The following PLCXD2 variants were observed in gnomAD, a reference collection of about 807,000 sequenced individuals.
PLCXD2 encodes PI-PLC X domain-containing protein 2.
In PLCXD2, 21 loss-of-function variants were observed where a neutral mutation model predicts 28.6. That is an observed-to-expected ratio of 0.73 (90% CI 0.52 to 1.06). The LOEUF is 1.06. Ranked by LOEUF, PLCXD2 falls within the 50% of genes least tolerant of loss-of-function variation. PLCXD2 has a pLI of 0.00. For missense variants in PLCXD2, 369 were observed against 376.7 expected (o/e 0.98, Z 0.17); for synonymous variants, 140 against 150.1 (o/e 0.93, Z 0.49).
intron 1 of PLCXD2, among the ~76,000 whole-genome samples, chr3:111,691,027 C>G (rs1376003327): frequency 1.3e-5 from 2 of 152,144 alleles, no homozygotes; most frequent in African/African-American, 4.8e-5. Flanking sequence ...TAGGACACAC[C>G]TAAGACCCAA....
intron 2 of PLCXD2, among the ~76,000 whole-genome samples, chr3:111,709,694 CA>C (rs1559796949): frequency 6.6e-6 from 1 of 152,094 alleles, no homozygotes; most frequent in Admixed American, 6.5e-5. Flanking sequence ...TGCAGAGACC[CA>C]AAAGCAGGAG....
intron 3 of PLCXD2, chr3:111,723,003 G>A (rs1273855026): frequency 6.6e-6 from 1 of 152,214 alleles, no homozygotes; most frequent in Non-Finnish European, 1.5e-5. Flanking sequence ...GAGTAAGTAA[G>A]TGTGTTCCCT....
At chr3:111,714,478 C>G (rs1018073909) in intron 3 of PLCXD2, among the ~76,000 whole-genome samples, 5 of 152,220 alleles carry the variant, frequency 3.3e-5, no homozygotes, top group Non-Finnish European at 7.3e-5. Flanking sequence ...ATTTAAGAAG[C>G]ATTCAATATA....
At chr3:111,719,030 C>T (rs1035395564) in intron 3 of PLCXD2, among the ~76,000 whole-genome samples, 4 of 152,210 alleles carry the variant, frequency 2.6e-5, no homozygotes, top group Admixed American at 2.0e-4. Flanking sequence ...ACTTAGTGAT[C>T]GAATAACTGT....
At chr3:111,713,394 C>T (rs931622301) in intron 2 of PLCXD2, among the ~76,000 whole-genome samples, 2 of 152,204 alleles carry the variant, frequency 1.3e-5, no homozygotes, top group Admixed American at 6.5e-5. Flanking sequence ...TAGATGCGTC[C>T]ATCTCACATT....
intron 1 of PLCXD2, among the ~76,000 whole-genome samples, chr3:111,698,820 A>G (rs1940998609): frequency 6.6e-6 from 1 of 151,772 alleles, no homozygotes; most frequent in Non-Finnish European, 1.5e-5. Flanking sequence ...GTTCATAATC[A>G]CTCCCTGAAG....
At chr3:111,706,711 C>T (rs1941123633) in intron 1 of PLCXD2, among the ~76,000 whole-genome samples, 1 of 149,010 alleles carries the variant, frequency 6.7e-6, no homozygotes, top group Non-Finnish European at 1.5e-5. Context: ...TAAAGGCACA[C>T]GTAGACTGAA....
At chr3:111,712,010 A>G (rs1182820004) in intron 2 of PLCXD2, among the ~76,000 whole-genome samples, 1 of 152,110 alleles carries the variant, frequency 6.6e-6, no homozygotes, top group African/African-American at 2.4e-5. Context: ...TAGAGAGGAG[A>G]GTATTTCAGA....
At chr3:111,684,526 C>T (rs1257677580) in intron 1 of PLCXD2, among the ~76,000 whole-genome samples, 29 of 151,662 alleles carry the variant, frequency 1.9e-4, no homozygotes, top group African/African-American at 4.8e-5. Context: ...TGATGGCGGG[C>T]GTCTGTAATT....
At chr3:111,682,547 G>A (rs1378015209) in intron 1 of PLCXD2, among the ~76,000 whole-genome samples, 11 of 152,190 alleles carry the variant, frequency 7.2e-5, no homozygotes, top group Admixed American at 6.5e-4. Flanking sequence ...GTACACATTT[G>A]TGCGCTATAA....
In PLCXD2 at chr3:111,675,210, A is replaced by G. The variant is rs200365575; in HGVS notation, c.-36A>G. The G allele has an allele frequency of 2.1e-3, 3,293 of 1,601,904 alleles. 7 individuals are homozygous for G. Among genetic ancestry groups the G allele is most frequent in the Non-Finnish European group, 2.4e-3 (2,823 of 1,171,378 alleles). ...AAGTGATGATCACTGAGTGAGTGGC[A>G]CTGGGCTGAGACTGGCCAGTTTGTT... On this transcript the variant is annotated 5_prime_UTR_variant, in exon 1 of 5. Coordinates refer to ENST00000477665, the MANE Select transcript of PLCXD2 (RefSeq NM_001185106.1).
intron 2 of PLCXD2, 23 bp from the exon 3 acceptor site, chr3:111,713,864 T>G: frequency 1.9e-6 from 3 of 1,602,808 alleles, no homozygotes; most frequent in Non-Finnish European, 2.6e-6. Flanking sequence ...ATTGCTCTCC[T>G]TTTTGTGTTT....
intron 1 of PLCXD2, among the ~76,000 whole-genome samples, chr3:111,675,696 CT>C (rs1940610847): frequency 6.6e-6 from 1 of 152,134 alleles, no homozygotes; most frequent in South Asian, 2.1e-4. Context: ...ATCCTTCTTA[CT>C]GTTGTTATGT....
chr3:111,710,097 C>T (rs967101917), intron 2 of PLCXD2, among the ~76,000 whole-genome samples: 3 of 152,124 alleles, frequency 2.0e-5, no homozygotes, highest in South Asian at 2.1e-4. Context: ...CAGGCTTGGC[C>T]GGAATAACTG....
chr3:111,696,032 C>G (rs1940956142), intron 1 of PLCXD2, among the ~76,000 whole-genome samples: 1 of 152,174 alleles, frequency 6.6e-6, no homozygotes, highest in Non-Finnish European at 1.5e-5. Flanking sequence ...CTCTGAAACC[C>G]TCAAAGATGG....
chr3:111,682,404 G>T (rs183498716), intron 1 of PLCXD2, among the ~76,000 whole-genome samples: 112 of 152,296 alleles, frequency 7.4e-4, no homozygotes, highest in Non-Finnish European at 1.4e-3. Context: ...AAAATAACAG[G>T]TTGGGGTTTT....
chr3:111,692,177 G>C (rs1940888378), intron 1 of PLCXD2, among the ~76,000 whole-genome samples: 1 of 152,168 alleles, frequency 6.6e-6, no homozygotes, highest in Non-Finnish European at 1.5e-5. Context: ...GAGTAGCTGG[G>C]ACTGCAGGCA....
intron 1 of PLCXD2, among the ~76,000 whole-genome samples, chr3:111,695,417 T>G (rs1940947496): frequency 6.6e-6 from 1 of 152,214 alleles, no homozygotes. Flanking sequence ...CAGTAAGAGA[T>G]TAACAACAAT....
chr3:111,701,932 A>G (rs1171803485), intron 1 of PLCXD2, among the ~76,000 whole-genome samples: 1 of 152,076 alleles, frequency 6.6e-6, no homozygotes, highest in Non-Finnish European at 1.5e-5. Context: ...AGGAGAAGCT[A>G]GACTTTGAAA....
Sources: allele counts gnomAD v4.1 joint callset (sites outside exome capture counted in the v4.1 genomes callset), GRCh38; gene constraint gnomAD v4.1.1; transcripts MANE v1.5; gene names NCBI Gene and HGNC (gene_info 2026-07-23, HGNC 2026-07-21).